MRPS18A: variants seen among roughly 807,000 people sequenced by gnomAD.
MRPS18A encodes mitochondrial ribosomal protein S18A.
A neutral mutation model predicts 22.7 loss-of-function variants in MRPS18A; 20 were observed. The ratio of observed to expected loss-of-function variants is 0.88; its 90% CI spans 0.62 to 1.28. The LOEUF (loss-of-function observed/expected upper bound fraction) is 1.28, where lower values mean the gene tolerates loss of function less well. MRPS18A is among the 50% of genes most tolerant of loss of function. MRPS18A has a pLI of 0.00. For synonymous variants in MRPS18A, 106 were observed against 99.1 expected (o/e 1.07, Z -0.41); for missense variants, 294 against 262.6 (o/e 1.12, Z -0.83).
Position 43,673,703 on chromosome 6 carries a change from C to T in MRPS18A, c.446+1499G>A, listed in dbSNP as rs531084950. On this transcript the variant is annotated intron_variant, in intron 5 of 5. Coordinates refer to ENST00000372133, the MANE Select transcript of MRPS18A (RefSeq NM_018135.4). The surrounding 1 kb of genome is among the most constrained non-coding windows in gnomAD (Gnocchi z 4.2). ...AGGGGCAGCAGGAGGAGCGACACAG[C>T]AGCAGACAAAGCATGGCTCCGCCAG... is the stretch of plus-strand genomic sequence containing the variant. 2.0e-3 allele frequency among the ~76,000 whole-genome samples: 310 copies of T among 152,338 alleles called. 1 individual carries two copies. The highest frequency in any genetic ancestry group is 6.7e-3 in the Admixed American group (103 of 15,300).
rs757012712 is a variant in MRPS18A at position 43,687,755 on chromosome 6, A to C, written c.25T>G (p.Ser9Ala). ...CCACGGAGAAGCCGCCCACAGCCGG[A>C]CACCAGAGCCTTGAGGGCCGCCATC... Reference protein sequence around the residue: MAALKALVSGCGRLLRGLL... With the variant: MAALKALVAGCGRLLRGLL... Residue 9 changes from serine (S) to alanine (A), a missense_variant, in exon 1 of 6, where the codon TCC becomes GCC. By Grantham distance (99) the Ser-to-Ala change is moderately conservative. Transcript: ENST00000372133. The C allele has an allele frequency of 5.9e-5, 93 of 1,582,900 alleles. No individual in the cohort carries two copies. In the Admixed American group the frequency reaches 8.5e-4, roughly 14 times the overall value.
intron 1 of MRPS18A, among the ~76,000 whole-genome samples, chr6:43,682,240 A>G (rs181795485): frequency 2.6e-5 from 4 of 152,372 alleles, no homozygotes; most frequent in African/African-American, 7.2e-5. Flanking sequence ...TTGAGGCTGC[A>G]GCGAGCCATG....
At chr6:43,685,612 C>T (rs1434968131) in intron 1 of MRPS18A, among the ~76,000 whole-genome samples, 1 of 152,136 alleles carries the variant, frequency 6.6e-6, no homozygotes, top group Non-Finnish European at 1.5e-5. Context: ...GTGCTCAGTC[C>T]TCAAGAGCTG....
chr6:43,678,517 C>G lies in MRPS18A; in HGVS notation c.252+1G>C. 1 of 1,605,442 alleles carries G rather than the reference C, an allele frequency of 6.2e-7. No homozygotes were observed. Among genetic ancestry groups the G allele is most frequent in the Non-Finnish European group, 8.5e-7 (1 of 1,172,320 alleles). The stretch of plus-strand genomic sequence containing the variant: ...CCGAGTGTCTCTGTACCCAGACTCA[C>G]GTCATAGTTATACTTGTGCTTCAGG... On this transcript the variant is annotated splice_donor_variant, in intron 3 of 5. Transcript: ENST00000372133. LOFTEE classifies it high-confidence loss of function.
intron 3 of MRPS18A, among the ~76,000 whole-genome samples, chr6:43,677,762 T>G (rs987720888): frequency 5.3e-5 from 8 of 152,194 alleles, no homozygotes; most frequent in African/African-American, 1.9e-4. Context: ...AACTAGTACC[T>G]ACTTCATAGG....
intron 5 of MRPS18A, among the ~76,000 whole-genome samples, chr6:43,672,931 T>C (rs1282425744): frequency 1.3e-5 from 2 of 151,398 alleles, no homozygotes; most frequent in African/African-American, 4.9e-5. Context: ...TCTCCTGGAA[T>C]TGTCACTGCC....
At chr6:43,679,083 T>A (rs973813252) in intron 2 of MRPS18A, among the ~76,000 whole-genome samples, 4 of 152,242 alleles carry the variant, frequency 2.6e-5, no homozygotes, top group Admixed American at 6.5e-5. Flanking sequence ...CATGTCCTCC[T>A]AGCGGGAAAC....
rs760079821 is a variant in MRPS18A at position 43,671,868 on chromosome 6, A to C, written c.485T>G (p.Ile162Ser). 3.1e-6 allele frequency: 5 copies of C among 1,613,826 alleles called. No individual in the cohort carries two copies. The South Asian group carries it at 5.5e-5, about 18-fold the overall frequency. The change falls in exon 6 of 6, where the codon ATC becomes AGC. Residue 162 changes from isoleucine (I) to serine (S), a missense_variant. Ile to Ser is a moderately radical substitution (Grantham distance 142). Transcript: ENST00000372133. Reference sequence around the variant, plus strand: ...GTTCCAGCGGGGGCCTTTTTTGTAGATGGGCTTGACGGAGCCAGGAGCCCA... The same window carrying C: ...GTTCCAGCGGGGGCCTTTTTTGTAGCTGGGCTTGACGGAGCCAGGAGCCCA... ...TRWAPGSVKPIYKKGPRWNRV... is the reference protein window; with the variant it reads ...TRWAPGSVKPSYKKGPRWNRV...
At chr6:43,678,470 G>A in intron 3 of MRPS18A, 48 bp downstream of exon 3, 3 of 1,408,352 alleles carry the variant, frequency 2.1e-6, no homozygotes, top group Non-Finnish European at 3.0e-6. Flanking sequence ...CAGGGAATCT[G>A]AGAACTTCAT....
chr6:43,672,433 C>T (rs777185206), intron 5 of MRPS18A: 1 of 471,168 alleles, frequency 2.1e-6, no homozygotes, highest in South Asian at 1.5e-5. Flanking sequence ...CAGCCCTAGC[C>T]TAGGAAGGTT....
chr6:43,675,429 G>A, intron 4 of MRPS18A, 65 bp downstream of exon 4: 1 of 1,613,290 alleles, frequency 6.2e-7, no homozygotes, highest in East Asian at 2.2e-5. Context: ...CTGAAACATG[G>A]GGCAGCTGGG....
Position 43,671,655 on chromosome 6 carries a change from C to T in MRPS18A, c.*107G>A. 7.4e-7 allele frequency: 1 copy of T among 1,342,526 alleles called. No individual in the cohort carries two copies. The highest frequency in any genetic ancestry group is 1.1e-6 in the Non-Finnish European group (1 of 948,910). The allele number at this position is 1,342,526 out of a possible 1,614,324, so 83.2% of individuals were successfully genotyped here. A position where few individuals can be genotyped will look rare whatever the true frequency, so the allele number is the denominator to read the frequency against. ...TCCATGCATGTTGGAGGGACCAGGCCATCGTGGTGGGGTGGGACAGGAGTA... is the reference window on the plus strand; with the variant it reads ...TCCATGCATGTTGGAGGGACCAGGCTATCGTGGTGGGGTGGGACAGGAGTA... On this transcript the variant is annotated 3_prime_UTR_variant, in exon 6 of 6. Coordinates refer to ENST00000372133, the MANE Select transcript of MRPS18A (RefSeq NM_018135.4).
rs1203424723 is a variant in MRPS18A at position 43,673,836 on chromosome 6, T to A, written c.446+1366A>T. 1.3e-5 allele frequency among the ~76,000 whole-genome samples: 2 copies of A among 152,178 alleles called. No individual in the cohort carries two copies. The highest frequency in any genetic ancestry group is 2.4e-5 in the African/African-American group (1 of 41,448). ...CTCCCCCTCCCGCTCAGCGTGGCCT[T>A]TTGCAACCGACTAGCCCCCACACAT... is the stretch of plus-strand genomic sequence containing the variant. On this transcript the variant is annotated intron_variant, in intron 5 of 5. Transcript: ENST00000372133. This position sits in a 1 kb window ranked among gnomAD's most constrained non-coding sequence, Gnocchi z 4.2.
intron 2 of MRPS18A, among the ~76,000 whole-genome samples, chr6:43,680,649 A>G (rs1004195996): frequency 2.0e-5 from 3 of 152,188 alleles, no homozygotes; most frequent in African/African-American, 7.2e-5. Flanking sequence ...CAGGGCCGGG[A>G]GAATGTCACT....
At chr6:43,681,503 C>A (rs532787968) in intron 1 of MRPS18A, among the ~76,000 whole-genome samples, 14 of 152,288 alleles carry the variant, frequency 9.2e-5, no homozygotes, top group South Asian at 8.3e-4. Context: ...TTCAAAAGTA[C>A]GCAGGCGGTG....
rs774008048 is a variant in MRPS18A at position 43,673,553 on chromosome 6, G to A, written c.447-1647C>T. Among the ~76,000 whole-genome samples the A allele has an allele frequency of 6.6e-6, 1 of 152,330 alleles. No individual in the cohort carries two copies. Among genetic ancestry groups the A allele is most frequent in the Non-Finnish European group, 1.5e-5 (1 of 68,032 alleles). On this transcript the variant is annotated intron_variant, in intron 5 of 5. Transcript: ENST00000372133. The surrounding 1 kb of genome is among the most constrained non-coding windows in gnomAD (Gnocchi z 4.2). The stretch of plus-strand genomic sequence containing the variant: ...AGCTGGCCTTGGGCCTGATGCCTGC[G>A]CCACACGGAGCGGCCAGCTGGCAGG...
At chr6:43,687,575 G>A in intron 1 of MRPS18A, 93 bp downstream of exon 1, 1 of 1,144,220 alleles carries the variant, frequency 8.7e-7, no homozygotes, top group South Asian at 1.4e-5. Flanking sequence ...AGAATCGGAC[G>A]AAGGAAAGGT....
chr6:43,672,491 C>T (rs1000955548), intron 5 of MRPS18A: 2 of 465,812 alleles, frequency 4.3e-6, no homozygotes, highest in Admixed American at 2.4e-5. Context: ...GCCCATGGAC[C>T]TTTGGCCTCC....
In MRPS18A at chr6:43,680,997, C is replaced by T. The variant is rs1278515920; in HGVS notation, c.144+92G>A. The T allele has an allele frequency of 2.1e-5, 25 of 1,181,972 alleles. No homozygotes were observed. The South Asian group carries it at 2.2e-4, about 10-fold the overall frequency. 73.2% of individuals were successfully genotyped at this position (1,181,972 alleles called of 1,614,324 possible). A position where few individuals can be genotyped will look rare whatever the true frequency, so the allele number is the denominator to read the frequency against. On this transcript the variant is annotated intron_variant, in intron 2 of 5. Coordinates refer to ENST00000372133, the MANE Select transcript of MRPS18A (RefSeq NM_018135.4). ...TGAGGGAGCTGATCCTGGAGCTGGG[C>T]GTCCAGTTTGGGCCCCTCCCTCCCT...
Sources: allele counts gnomAD v4.1 joint callset (sites outside exome capture counted in the v4.1 genomes callset), GRCh38; gene constraint gnomAD v4.1.1; non-coding constraint Gnocchi (gnomAD v3.1); transcripts MANE v1.5; gene names NCBI Gene and HGNC (gene_info 2026-07-23, HGNC 2026-07-21).